The following NPSR1 variants were observed in gnomAD, a reference collection of about 807,000 sequenced individuals.
NPSR1 encodes the protein neuropeptide S receptor.
In NPSR1, 48 loss-of-function variants were observed where a neutral mutation model predicts 46.9. That is an observed-to-expected ratio of 1.02 (90% CI 0.81 to 1.30). The LOEUF (loss-of-function observed/expected upper bound fraction) is 1.30. NPSR1 is among the 50% of genes most tolerant of loss of function. NPSR1 has a pLI of 0.00. For missense variants in NPSR1, 450 were observed against 449.5 expected (o/e 1.00, Z -0.01); for synonymous variants, 176 against 168.1 (o/e 1.05, Z -0.36).
intron 2 of NPSR1, among the ~76,000 whole-genome samples, chr7:34,774,131 C>T (rs749824822): frequency 4.6e-5 from 7 of 152,210 alleles, no homozygotes; most frequent in African/African-American, 1.7e-4. Flanking sequence ...ATTGGGAAGA[C>T]CTTCCTTCTC....
Position 34,834,483 on chromosome 7 carries a change from C to T in NPSR1, c.757+23C>T, listed in dbSNP as rs554283124. 56 of 1,548,728 alleles carry T rather than the reference C, an allele frequency of 3.6e-5. No individual in the cohort carries two copies. In the South Asian group the frequency reaches 6.0e-4, roughly 17 times the overall value. ...CAGGTAAGTCTCTACTCTGCATGGC[C>T]CAATTCTTGGCTAATTTGCTTCTCC... On this transcript the variant is annotated intron_variant, in intron 6 of 8. Transcript: ENST00000360581.
chr7:34,809,792 C>T (rs1428711195), intron 3 of NPSR1, among the ~76,000 whole-genome samples: 2 of 152,156 alleles, frequency 1.3e-5, no homozygotes, highest in Non-Finnish European at 2.9e-5. Context: ...CCACCCTACA[C>T]CCTCCTATAG....
intron 2 of NPSR1, among the ~76,000 whole-genome samples, chr7:34,694,854 T>C (rs568952359): frequency 6.6e-6 from 1 of 152,064 alleles, no homozygotes; most frequent in Non-Finnish European, 1.5e-5. Context: ...GGACTACAGG[T>C]GCGCATCACC....
intron 3 of NPSR1, chr7:34,779,401 A>G (rs908507967): frequency 7.1e-6 from 2 of 283,474 alleles, no homozygotes; most frequent in Non-Finnish European, 1.4e-5. Flanking sequence ...GGTCTAAATT[A>G]TTATAGCTTT....
Position 34,827,589 on chromosome 7 carries a change from C to T in NPSR1, c.667C>T (p.Leu223=). 1.7e-5 allele frequency: 25 copies of T among 1,493,106 alleles called. No individual in the cohort carries two copies. Among genetic ancestry groups the T allele is most frequent in the Non-Finnish European group, 2.3e-5 (25 of 1,100,302 alleles). The allele number at this position is 1,493,106 out of a possible 1,614,324, so 92.5% of individuals were successfully genotyped here. The change falls in exon 5 of 9, where the codon CTG becomes TTG. Residue 223 remains leucine (L), a synonymous_variant. Coordinates refer to ENST00000360581, the MANE Select transcript of NPSR1 (RefSeq NM_207172.2). ...GGCCTTCCTGGTGTACTTCATCCCT[C>T]TGACAATCATCAGGTAAGAAGCCGT... ...IVAFLVYFIP[L]TIISIMYGIV...
chr7:34,803,250 A>C (rs989090285), intron 3 of NPSR1, among the ~76,000 whole-genome samples: 4 of 151,984 alleles, frequency 2.6e-5, no homozygotes, highest in Non-Finnish European at 4.4e-5. Flanking sequence ...TCATGCTGCT[A>C]TAAAGACACA....
chr7:34,814,436 C>A (rs911162982), intron 4 of NPSR1, among the ~76,000 whole-genome samples: 9 of 152,246 alleles, frequency 5.9e-5, no homozygotes, highest in African/African-American at 2.2e-4. Context: ...GGCCTACTGC[C>A]TCTATAGGCT....
intron 4 of NPSR1, among the ~76,000 whole-genome samples, chr7:34,821,810 T>C (rs1259931770): frequency 6.6e-6 from 1 of 152,168 alleles, no homozygotes; most frequent in African/African-American, 2.4e-5. Flanking sequence ...ACTTATTCCC[T>C]CACTACAAAA....
intron 4 of NPSR1, among the ~76,000 whole-genome samples, chr7:34,823,417 C>A (rs59849129): frequency 0.43 from 42,040 of 98,790 alleles, 9,858 homozygotes; most frequent in African/African-American, 0.47. Flanking sequence ...AAAAAAAAAA[C>A]AACACCATAA....
intron 3 of NPSR1, among the ~76,000 whole-genome samples, chr7:34,785,004 C>T (rs145746404): frequency 0.066 from 10,017 of 151,996 alleles, 943 homozygotes; most frequent in African/African-American, 0.21. Flanking sequence ...CTAGAAATAC[C>T]ATTTGACCCA....
chr7:34,808,789 G>T (rs1276414054), intron 3 of NPSR1, among the ~76,000 whole-genome samples: 1 of 152,096 alleles, frequency 6.6e-6, no homozygotes, highest in African/African-American at 2.4e-5. Flanking sequence ...CTCTGAACAT[G>T]TTGTTATAGT....
At chr7:34,754,976 T>C (rs201821307) in intron 2 of NPSR1, among the ~76,000 whole-genome samples, 1 of 151,460 alleles carries the variant, frequency 6.6e-6, no homozygotes, top group African/African-American at 2.4e-5. Context: ...TTTTTATGGC[T>C]AAATAATATT....
rs756205088 is a variant in NPSR1, at chr7:34,848,604, T to C, written c.966T>C (p.Asn322=). The stretch of plus-strand genomic sequence containing the variant: ...TCATTCAGAACCTGCCAGCATTGAA[T>C]AGTGCCATCAACCCCCTCATCTACT... ...SVIIQNLPAL[N]SAINPLIYCV... is the part of the protein sequence containing the mutation. The change falls in exon 8 of 9, where the codon AAT becomes AAC. Residue 322 remains asparagine, a synonymous_variant. Coordinates refer to ENST00000360581, the MANE Select transcript of NPSR1 (RefSeq NM_207172.2). 12 of 1,614,194 alleles carry C rather than the reference T, an allele frequency of 7.4e-6. No homozygotes were observed. The highest frequency in any genetic ancestry group is 3.3e-5 in the South Asian group (3 of 91,070).
intron 8 of NPSR1, among the ~76,000 whole-genome samples, chr7:34,866,287 T>A (rs528985917): frequency 6.6e-6 from 1 of 151,588 alleles, no homozygotes; most frequent in Admixed American, 6.6e-5. Context: ...TCAAATGAGA[T>A]AAGTCACAAT....
At chr7:34,687,157 CT>C (rs11298649) in intron 2 of NPSR1, among the ~76,000 whole-genome samples, 22,759 of 141,192 alleles carry the variant, frequency 0.16, 1,824 homozygotes, top group African/African-American at 0.22. Context: ...AAGTATCAGG[CT>C]TTTTTTTTTT....
At chr7:34,853,316 C>A (rs1189519495), downstream of NPSR1, among the ~76,000 whole-genome samples, 1 of 152,172 alleles carries the variant, frequency 6.6e-6, no homozygotes, top group Non-Finnish European at 1.5e-5. Context: ...AGCTACAGAC[C>A]TGCTGGCAAC....
chr7:34,774,838 C>T (rs368219383), intron 2 of NPSR1, among the ~76,000 whole-genome samples: 1 of 152,162 alleles, frequency 6.6e-6, no homozygotes. Context: ...CTATGTAGTT[C>T]AGTATATGGG....
intron 5 of NPSR1, among the ~76,000 whole-genome samples, chr7:34,828,048 AG>A (rs1562759733): frequency 2.0e-5 from 3 of 152,326 alleles, no homozygotes; most frequent in African/African-American, 7.2e-5. Flanking sequence ...TACCAGTTTC[AG>A]GGATTTTGTA....
At chr7:34,670,405 T>A (rs965551798) in intron 1 of NPSR1, among the ~76,000 whole-genome samples, 1 of 152,046 alleles carries the variant, frequency 6.6e-6, no homozygotes, top group African/African-American at 2.4e-5. Flanking sequence ...GGGTGAATAA[T>A]GGTTCTTATA....
Sources: gnomAD v4.1 joint callset for allele counts (sites outside exome capture counted in the v4.1 genomes callset) on GRCh38, gnomAD v4.1.1 for gene constraint, MANE v1.5 for transcripts, NCBI Gene and HGNC (gene_info 2026-07-23, HGNC 2026-07-21) for gene names.